The following KIAA0232 variants were observed in gnomAD, a reference collection of about 807,000 sequenced individuals.
KIAA0232 encodes the protein uncharacterized protein KIAA0232.
A neutral mutation model predicts 122.0 loss-of-function variants in KIAA0232; 27 were observed. The ratio of observed to expected loss-of-function variants is 0.22; its 90% confidence interval spans 0.16 to 0.31. The LOEUF (loss-of-function observed/expected upper bound fraction) is 0.31, where lower values mean the gene tolerates loss of function less well. Among genes scored for constraint, KIAA0232 ranks in the 10% least tolerant of loss-of-function variants. KIAA0232 has a pLI of 1.00. For synonymous variants in KIAA0232, 613 were observed against 587.6 expected, an observed-to-expected ratio of 1.04 and a Z score of -0.63; for missense variants, 1,551 against 1,634.2, an observed-to-expected ratio of 0.95 and a Z score of 0.88.
chr4:6,837,622 A>T (rs797021316), intron 3 of KIAA0232, among the ~76,000 whole-genome samples: 4 of 152,228 alleles, frequency 2.6e-5, no homozygotes, highest in Non-Finnish European at 4.4e-5. Context: ...AGCCTGGGCA[A>T]CATTGAGCAC....
chr4:6,819,776 A>C (rs1422185274), intron 2 of KIAA0232, among the ~76,000 whole-genome samples: 5 of 152,176 alleles, frequency 3.3e-5, no homozygotes, highest in African/African-American at 9.6e-5. Flanking sequence ...AAATTATTCT[A>C]CCAAAAAGAC....
intron 2 of KIAA0232, among the ~76,000 whole-genome samples, chr4:6,816,091 G>A (rs1718109038): frequency 1.3e-5 from 2 of 152,086 alleles, no homozygotes; most frequent in Non-Finnish European, 2.9e-5. Context: ...AGGCCTTTGA[G>A]TTGTACAGTG....
At chr4:6,828,907 A>T (rs959524050) in intron 3 of KIAA0232, among the ~76,000 whole-genome samples, 2 of 152,122 alleles carry the variant, frequency 1.3e-5, no homozygotes, top group Admixed American at 1.3e-4. Flanking sequence ...GCATTGATGA[A>T]ACTTTATTGT....
intron 1 of KIAA0232, among the ~76,000 whole-genome samples, chr4:6,787,064 C>T (rs1716656628): frequency 6.6e-6 from 1 of 151,584 alleles, no homozygotes. Flanking sequence ...GCCTATAGTC[C>T]CAGCTACTTG....
chr4:6,824,727 T>A, intron 3 of KIAA0232, 43 bp downstream of exon 3: 1 of 1,497,448 alleles, frequency 6.7e-7, no homozygotes, highest in Non-Finnish European at 9.3e-7. Flanking sequence ...TGATTGTATC[T>A]GTATGTATAC....
At chr4:6,867,481 T>C (rs1340909221) in intron 7 of KIAA0232, among the ~76,000 whole-genome samples, 1 of 152,230 alleles carries the variant, frequency 6.6e-6, no homozygotes, top group Non-Finnish European at 1.5e-5. Context: ...ACAGTGTGCC[T>C]TGGTATCTGG....
At chr4:6,787,103 C>G (rs1455403301) in intron 1 of KIAA0232, among the ~76,000 whole-genome samples, 1 of 148,498 alleles carries the variant, frequency 6.7e-6, no homozygotes, top group African/African-American at 2.5e-5. Context: ...ATCTCTTGAA[C>G]CCGGGAGGTG....
chr4:6,802,575 A>G lies in KIAA0232; in HGVS notation c.-353-1948A>G, dbSNP rs370927837. On this transcript the variant is annotated intron_variant, in intron 1 of 9. Coordinates refer to ENST00000307659, the MANE Select transcript of KIAA0232 (RefSeq NM_014743.3). ...CCACCAGCCCCCTTACTAAATAACT[A>G]TGTGTGTGTGTGTCTTATGTACGAA... 1.6e-3 allele frequency among the ~76,000 whole-genome samples: 241 copies of G among 146,176 alleles called. 1 individual carries two copies. The highest frequency in any genetic ancestry group is 5.9e-3 in the African/African-American group (232 of 39,056).
chr4:6,864,704 C>T (rs1464464630), intron 7 of KIAA0232, among the ~76,000 whole-genome samples: 1 of 143,664 alleles, frequency 7.0e-6, no homozygotes, highest in African/African-American at 2.6e-5. Context: ...GTGTTCTGTA[C>T]TCCAGCCTGG....
chr4:6,837,622 A>G (rs797021316), intron 3 of KIAA0232, among the ~76,000 whole-genome samples: 12 of 152,346 alleles, frequency 7.9e-5, no homozygotes, highest in Middle Eastern at 6.8e-3. Flanking sequence ...AGCCTGGGCA[A>G]CATTGAGCAC....
chr4:6,789,576 A>G (rs778386871), intron 1 of KIAA0232, among the ~76,000 whole-genome samples: 4 of 152,132 alleles, frequency 2.6e-5, no homozygotes, highest in African/African-American at 9.7e-5. Flanking sequence ...CTGGCCAGTC[A>G]TCTCATTTTC....
chr4:6,814,818 A>G (rs541708600), intron 2 of KIAA0232, among the ~76,000 whole-genome samples: 8 of 152,308 alleles, frequency 5.3e-5, no homozygotes, highest in African/African-American at 1.9e-4. Context: ...ATTAAAGATA[A>G]CTCAAATGAT....
In KIAA0232 at chr4:6,864,736, T is replaced by TGA. The variant is rs1721078199; in HGVS notation, c.3801+553_3801+554insGA. 6.3e-4 allele frequency among the ~76,000 whole-genome samples: 12 copies of TGA among 19,126 alleles called. 1 individual carries two copies. The highest frequency in any genetic ancestry group is 1.8e-3 in the African/African-American group (12 of 6,806). The allele number at this position is 19,126 out of a possible 152,430, so 12.5% of individuals were successfully genotyped here. The stretch of plus-strand genomic sequence containing the variant: ...CTGGGTGACAGGGTGAGACTCCATC[T>TGA]CAAAAAAAAAAAAAAAAAAAAAATA... On this transcript the variant is annotated intron_variant, in intron 7 of 9. Coordinates refer to ENST00000307659, the MANE Select transcript of KIAA0232 (RefSeq NM_014743.3).
chr4:6,851,381 A>G (rs1720275084), intron 4 of KIAA0232, among the ~76,000 whole-genome samples: 1 of 152,188 alleles, frequency 6.6e-6, no homozygotes, highest in Non-Finnish European at 1.5e-5. Context: ...CTCCATATGA[A>G]AGTAAGAAAC....
intron 4 of KIAA0232, among the ~76,000 whole-genome samples, chr4:6,853,997 G>C (rs1720436044): frequency 6.6e-6 from 1 of 152,186 alleles, no homozygotes; most frequent in African/African-American, 2.4e-5. Flanking sequence ...GCGTTGGTCA[G>C]AGAGAGAAGG....
intron 4 of KIAA0232, among the ~76,000 whole-genome samples, chr4:6,856,664 G>T: frequency 7.1e-6 from 1 of 141,744 alleles, no homozygotes; most frequent in East Asian, 2.0e-4. Context: ...AATCATGAGT[G>T]TTCATGTTTC....
intron 3 of KIAA0232, among the ~76,000 whole-genome samples, chr4:6,836,465 T>C (rs547232961): frequency 4.0e-5 from 6 of 151,694 alleles, no homozygotes; most frequent in Non-Finnish European, 7.4e-5. Context: ...CACTTTTTCC[T>C]GATTTCTTTG....
intron 1 of KIAA0232, among the ~76,000 whole-genome samples, chr4:6,797,791 G>T (rs1395321947): frequency 6.8e-6 from 1 of 148,122 alleles, no homozygotes; most frequent in Non-Finnish European, 1.5e-5. Flanking sequence ...AAAAAAAAAG[G>T]CCGGGCGCGG....
chr4:6,858,188 A>G (rs904065948), intron 5 of KIAA0232, among the ~76,000 whole-genome samples: 1 of 152,224 alleles, frequency 6.6e-6, no homozygotes, highest in Non-Finnish European at 1.5e-5. Context: ...AGAGCACTGT[A>G]TCAGTGACGA....
Sources: gnomAD v4.1 joint callset for allele counts (sites outside exome capture counted in the v4.1 genomes callset) on GRCh38, gnomAD v4.1.1 for gene constraint, MANE v1.5 for transcripts, NCBI Gene and HGNC (gene_info 2026-07-23, HGNC 2026-07-21) for gene names.